ACVR1: variants seen among roughly 807,000 people sequenced by gnomAD.
ACVR1 encodes the protein activin receptor type-1.
ACVR1 carries 38 observed loss-of-function variants against 57.1 expected under a neutral mutation model. The observed-to-expected ratio is 0.67, with a 90% CI of 0.51 to 0.87. The LOEUF is 0.87. ACVR1 is among the 40% of genes least tolerant of loss of function. ACVR1 has a pLI of 0.00. For synonymous variants in ACVR1, 212 were observed against 228.1 expected (o/e 0.93, Z 0.63); for missense variants, 463 against 638.2 (o/e 0.73, Z 2.96).
Position 157,788,239 on chromosome 2 carries a change from C to T in ACVR1, c.68-7639G>A, listed in dbSNP as rs534601978. Among the ~76,000 whole-genome samples, 24 of 152,268 alleles carry T rather than the reference C, an allele frequency of 1.6e-4. No homozygotes were observed. The East Asian group carries it at 1.9e-3, about 12-fold the overall frequency. On this transcript the variant is annotated intron_variant, in intron 3 of 10. Transcript: ENST00000434821. ...TCCCCACTTATCCCCCCTTATGCAC[C>T]GTTTCACTTTCCACTATTTCGGTTA...
At chr2:157,848,315 GAC>G (rs144981572) in intron 1 of ACVR1, among the ~76,000 whole-genome samples, 6,670 of 152,238 alleles carry the variant, frequency 0.044, 165 homozygotes, top group Non-Finnish European at 0.055. Context: ...TGTCTTTTGA[GAC>G]ACTTGCTCTT....
intron 10 of ACVR1, among the ~76,000 whole-genome samples, chr2:157,737,898 G>A (rs1684597939): frequency 6.6e-6 from 1 of 152,146 alleles, no homozygotes; most frequent in East Asian, 1.9e-4. Context: ...CAATTTATTA[G>A]GTAAACGACA....
rs929984493 is a variant in ACVR1, at chr2:157,865,731, G to A, written c.-183+10065C>T. ...CACTTGAACCCGGGAGGCAGAGGTT[G>A]TTGCAGTGAGCCGATATCGCGCCAC... On this transcript the variant is annotated intron_variant, in intron 1 of 10. Coordinates refer to ENST00000434821, the MANE Select transcript of ACVR1 (RefSeq NM_001111067.4). Among the ~76,000 whole-genome samples, 5 of 148,800 alleles carry A rather than the reference G, an allele frequency of 3.4e-5. No homozygotes were observed. In the Admixed American group the frequency reaches 3.4e-4, roughly 10 times the overall value.
At position 157,737,410 on chromosome 2, in the gene ACVR1, A is replaced by G; in HGVS notation, c.*121T>C. The G allele has an allele frequency of 7.4e-7, 1 of 1,354,478 alleles. No individual in the cohort carries two copies. Among genetic ancestry groups the G allele is most frequent in the Non-Finnish European group, 1.0e-6 (1 of 974,316 alleles). 83.9% of individuals were successfully genotyped at this position (1,354,478 alleles called of 1,614,324 possible). A position where few individuals can be genotyped will look rare whatever the true frequency, so the allele number is the denominator to read the frequency against. ...GCTGGGTACGACGTCTGCCTTGTCAAAGCAGCCATTTGGGGAGGGAGACAG... is the reference window on the plus strand; with the variant it reads ...GCTGGGTACGACGTCTGCCTTGTCAGAGCAGCCATTTGGGGAGGGAGACAG... On this transcript the variant is annotated 3_prime_UTR_variant, in exon 11 of 11. Coordinates refer to ENST00000434821, the MANE Select transcript of ACVR1 (RefSeq NM_001111067.4).
In ACVR1 at chr2:157,842,023, T is replaced by C. The variant is rs1379421940; in HGVS notation, c.-182-23464A>G. 7.6e-5 allele frequency among the ~76,000 whole-genome samples: 4 copies of C among 52,704 alleles called. No individual in the cohort carries two copies. In the East Asian group the frequency reaches 2.4e-3, roughly 31 times the overall value. The allele number at this position is 52,704 out of a possible 152,430, so 34.6% of individuals were successfully genotyped here. A position where few individuals can be genotyped will look rare whatever the true frequency, so the allele number is the denominator to read the frequency against. On this transcript the variant is annotated intron_variant, in intron 1 of 10. Coordinates refer to ENST00000434821, the MANE Select transcript of ACVR1 (RefSeq NM_001111067.4). Reference sequence around the variant, plus strand: ...GCCTGGGCGACACAGAGAGACTCCATCTCAAAAAAAAAAAAAAAAAAATTA... The same window carrying C: ...GCCTGGGCGACACAGAGAGACTCCACCTCAAAAAAAAAAAAAAAAAAATTA...
chr2:157,852,326 C>A (rs1322574949), intron 1 of ACVR1, among the ~76,000 whole-genome samples: 1 of 151,702 alleles, frequency 6.6e-6, no homozygotes, highest in Admixed American at 6.6e-5. Context: ...GGCAAAACCC[C>A]ATCTCTATAA....
chr2:157,773,943 G>T, intron 6 of ACVR1, 145 bp downstream of exon 6: 1 of 680,542 alleles, frequency 1.5e-6, no homozygotes. Flanking sequence ...TCCAACATTA[G>T]TCATACAGAA....
Position 157,876,237 on chromosome 2 carries a change from C to T in ACVR1, c.-624G>A, listed in dbSNP as rs1690292425. Among the ~76,000 whole-genome samples the T allele has an allele frequency of 6.8e-6, 1 of 147,002 alleles. No homozygotes were observed. Among genetic ancestry groups the T allele is most frequent in the South Asian group, 2.2e-4 (1 of 4,628 alleles). ...GGGCGGGCGGACCAGCTGGGCTTGC[C>T]CCCGGGGGCGGCGGGGGAGACCGTC... On this transcript the variant is annotated 5_prime_UTR_variant, in exon 1 of 11. Transcript: ENST00000434821.
At chr2:157,853,126 T>C (rs1689381236) in intron 1 of ACVR1, among the ~76,000 whole-genome samples, 1 of 152,234 alleles carries the variant, frequency 6.6e-6, no homozygotes, top group Non-Finnish European at 1.5e-5. Context: ...TTACTTGAAT[T>C]ACTATAATAT....
chr2:157,826,870 G>GGAAAA (rs1284343392), intron 1 of ACVR1, among the ~76,000 whole-genome samples: 5 of 124,650 alleles, frequency 4.0e-5, no homozygotes, highest in African/African-American at 1.4e-4. Context: ...GGAAGGGAAA[G>GGAAAA]GAAAGGAAAG....
At chr2:157,867,089 G>A (rs1432365388) in intron 1 of ACVR1, among the ~76,000 whole-genome samples, 4 of 152,066 alleles carry the variant, frequency 2.6e-5, no homozygotes, top group African/African-American at 9.7e-5. Flanking sequence ...CAAACCCAAC[G>A]CCACAATCCA....
intron 2 of ACVR1, among the ~76,000 whole-genome samples, chr2:157,813,847 T>A (rs907128565): frequency 6.6e-6 from 1 of 152,186 alleles, no homozygotes; most frequent in African/African-American, 2.4e-5. Context: ...GAAAAATTCA[T>A]TTGAATTCAT....
In ACVR1 at chr2:157,741,203, C is replaced by T. The variant is rs757909534; in HGVS notation, c.1265-2633G>A. Reference sequence around the variant, plus strand: ...CAAAAAGAACCTCAAAATCTTTTTTCACCCATTTACTTTGTACCTTGAAAG... The same window carrying T: ...CAAAAAGAACCTCAAAATCTTTTTTTACCCATTTACTTTGTACCTTGAAAG... On this transcript the variant is annotated intron_variant, in intron 9 of 10. Transcript: ENST00000434821. 8.6e-5 allele frequency among the ~76,000 whole-genome samples: 13 copies of T among 151,940 alleles called. 1 individual carries two copies. Among genetic ancestry groups the T allele is most frequent in the African/African-American group, 1.2e-4 (5 of 41,360 alleles).
intron 1 of ACVR1, among the ~76,000 whole-genome samples, chr2:157,833,398 TAA>T: frequency 6.6e-6 from 1 of 152,148 alleles, no homozygotes; most frequent in Non-Finnish European, 1.5e-5. Context: ...TAAAAGTGCC[TAA>T]GAGTGCTCTC....
At chr2:157,757,015 AT>A (rs1351435721) in intron 9 of ACVR1, among the ~76,000 whole-genome samples, 1 of 129,744 alleles carries the variant, frequency 7.7e-6, no homozygotes, top group Non-Finnish European at 1.6e-5. Flanking sequence ...AGATATATAT[AT>A]ATTTGATATA....
At chr2:157,756,811 G>A (rs1685442130) in intron 9 of ACVR1, among the ~76,000 whole-genome samples, 1 of 151,416 alleles carries the variant, frequency 6.6e-6, no homozygotes, top group Non-Finnish European at 1.5e-5. Context: ...TGAGTACCCA[G>A]AGGAAAAGAA....
intron 1 of ACVR1, among the ~76,000 whole-genome samples, chr2:157,847,852 G>A (rs1689170953): frequency 6.6e-6 from 1 of 152,186 alleles, no homozygotes; most frequent in African/African-American, 2.4e-5. Context: ...TGGAGACAGA[G>A]AGCAGCTGAC....
chr2:157,839,456 C>G (rs1221808869), intron 1 of ACVR1, among the ~76,000 whole-genome samples: 1 of 152,220 alleles, frequency 6.6e-6, no homozygotes, highest in Non-Finnish European at 1.5e-5. Flanking sequence ...TGAAGCCTGT[C>G]CTCCCCTCTC....
At chr2:157,780,980 T>C (rs1238647363) in intron 3 of ACVR1, among the ~76,000 whole-genome samples, 2 of 152,188 alleles carry the variant, frequency 1.3e-5, no homozygotes, top group East Asian at 1.9e-4. Context: ...TGGAACATAA[T>C]GTTTATCACC....
Sources: gnomAD v4.1 joint callset for allele counts (sites outside exome capture counted in the v4.1 genomes callset) on GRCh38, gnomAD v4.1.1 for gene constraint, MANE v1.5 for transcripts, NCBI Gene and HGNC (gene_info 2026-07-23, HGNC 2026-07-21) for gene names.